The following CEP63 variants were observed in gnomAD, a reference collection of about 807,000 sequenced individuals.
CEP63 encodes centrosomal protein of 63 kDa.
CEP63 carries 84 observed loss-of-function variants against 89.1 expected under a neutral mutation model. That is an observed-to-expected ratio of 0.94 (90% CI 0.79 to 1.13). The LOEUF (loss-of-function observed/expected upper bound fraction) is 1.13, where lower values mean the gene tolerates loss of function less well. Among genes scored for constraint, CEP63 ranks in the 50% most tolerant of loss-of-function variants. The pLI, the probability that CEP63 is intolerant of heterozygous loss-of-function variation, is 0.00. For missense variants in CEP63, 838 were observed against 813.3 expected (o/e 1.03, Z -0.37); for synonymous variants, 267 against 272.5 (o/e 0.98, Z 0.20).
At chr3:134,659,541 C>T in the CEP63 span, among the ~76,000 whole-genome samples, 1 of 152,240 alleles carries the variant, frequency 6.6e-6, no homozygotes, top group East Asian at 1.9e-4. Context: ...GTCCTCCCCT[C>T]AAGCCTAATG....
chr3:134,532,011 GA>G, intron 4 of CEP63, 71 bp downstream of exon 4: 1 of 1,027,566 alleles, frequency 9.7e-7, no homozygotes, highest in Non-Finnish European at 1.5e-6. Context: ...CTTTGTTAAT[GA>G]AAGCCAGTTT....
the CEP63 span, among the ~76,000 whole-genome samples, chr3:134,636,461 A>G: frequency 2.0e-5 from 3 of 152,242 alleles, no homozygotes; most frequent in East Asian, 5.8e-4. Flanking sequence ...TGAGGCTTCC[A>G]TTCTCATTCT....
intron 3 of CEP63, among the ~76,000 whole-genome samples, chr3:134,516,932 A>T (rs1946379306): frequency 6.6e-6 from 1 of 152,256 alleles, no homozygotes; most frequent in African/African-American, 2.4e-5. Context: ...TGCTTAGATG[A>T]AATCTGGAAG....
chr3:134,687,452 C>T, the CEP63 span, among the ~76,000 whole-genome samples: 1 of 152,174 alleles, frequency 6.6e-6, no homozygotes, highest in Admixed American at 6.5e-5. Context: ...TGGGAGATAG[C>T]ACCATTCTTA....
At chr3:134,587,319 A>G (rs1428390497) in intron 10 of CEP63, among the ~76,000 whole-genome samples, 2 of 152,074 alleles carry the variant, frequency 1.3e-5, no homozygotes, top group Non-Finnish European at 2.9e-5. Flanking sequence ...GTTTCTCCCC[A>G]TCTTTGTGGT....
At chr3:134,675,966 T>C in the CEP63 span, among the ~76,000 whole-genome samples, 2 of 152,206 alleles carry the variant, frequency 1.3e-5, no homozygotes, top group African/African-American at 2.4e-5. Context: ...ATTGGAGTGC[T>C]TCTGGCTGTT....
At chr3:134,695,678 G>A in the CEP63 span, among the ~76,000 whole-genome samples, 1 of 152,336 alleles carries the variant, frequency 6.6e-6, no homozygotes, top group African/African-American at 2.4e-5. Flanking sequence ...GTAATGGCTG[G>A]TGCACATGCC....
At chr3:134,519,333 C>A (rs1946929327) in intron 3 of CEP63, among the ~76,000 whole-genome samples, 1 of 151,462 alleles carries the variant, frequency 6.6e-6, no homozygotes, top group Non-Finnish European at 1.5e-5. Flanking sequence ...GGGGTTTCAC[C>A]ATGTTGGTCA....
chr3:134,730,592 A>G, the CEP63 span, among the ~76,000 whole-genome samples: 2 of 152,232 alleles, frequency 1.3e-5, no homozygotes, highest in East Asian at 3.8e-4. Flanking sequence ...TGATAGAAGA[A>G]AATACTAAAG....
intron 3 of CEP63, among the ~76,000 whole-genome samples, chr3:134,514,966 T>G (rs1411331947): frequency 6.6e-6 from 1 of 152,186 alleles, no homozygotes. Flanking sequence ...CAATCCTACC[T>G]CAGCCTCCCA....
At chr3:134,547,628 T>TTTTTTTTTTTTTTTTTTTTTTTTTTC (rs1182808443) in intron 9 of CEP63, among the ~76,000 whole-genome samples, 156 bp downstream of exon 9, 2 of 122,610 alleles carry the variant, frequency 1.6e-5, no homozygotes, top group East Asian at 2.3e-4. Context: ...TTTTTTTTTT[T>TTTTTTTTTTTTTTTTTTTTTTTTTTC]TGAGACGGAG....
the CEP63 span, among the ~76,000 whole-genome samples, chr3:134,686,823 G>A: frequency 3.9e-5 from 6 of 152,256 alleles, no homozygotes; most frequent in Non-Finnish European, 8.8e-5. Flanking sequence ...TTTTAGGGAC[G>A]GAGAAACTGA....
At chr3:134,591,756 C>G (rs1161324873), downstream of CEP63, among the ~76,000 whole-genome samples, 1 of 152,052 alleles carries the variant, frequency 6.6e-6, no homozygotes, top group Non-Finnish European at 1.5e-5. Flanking sequence ...TGGTACATGC[C>G]TGTAGTTCCA....
chr3:134,758,239 C>T, the CEP63 span, among the ~76,000 whole-genome samples: 3 of 152,146 alleles, frequency 2.0e-5, no homozygotes, highest in South Asian at 2.1e-4. Context: ...CTCTTTTTCT[C>T]GGCTCATACA....
At chr3:134,656,200 C>T in the CEP63 span, among the ~76,000 whole-genome samples, 5 of 152,246 alleles carry the variant, frequency 3.3e-5, no homozygotes, top group East Asian at 9.7e-4. Flanking sequence ...AGGAAGGCTA[C>T]ATCCCCAAAC....
At chr3:134,660,878 G>T in the CEP63 span, among the ~76,000 whole-genome samples, 1 of 152,266 alleles carries the variant, frequency 6.6e-6, no homozygotes, top group African/African-American at 2.4e-5. Flanking sequence ...ACTGGAGAGT[G>T]GGCTAGGAAG....
At chr3:134,635,262 C>T in the CEP63 span, among the ~76,000 whole-genome samples, 15 of 151,962 alleles carry the variant, frequency 9.9e-5, no homozygotes, top group Admixed American at 6.6e-5. Context: ...TTTGGGAGGC[C>T]GAGGTGGGTG....
the CEP63 span, among the ~76,000 whole-genome samples, chr3:134,681,474 G>T: frequency 6.6e-6 from 1 of 152,180 alleles, no homozygotes; most frequent in African/African-American, 2.4e-5. Flanking sequence ...GCAATGTGTG[G>T]TCATGTTGAC....
rs936229128 is a variant in CEP63, at chr3:134,518,758, C to A, written c.222+11472C>A. ...AGCCATTTCAAGAAAAACAAAAAAA[C>A]CCCAGCAAATTAAAACCAAAGAAAT... On this transcript the variant is annotated intron_variant, in intron 3 of 14. Transcript: ENST00000675561. 2.6e-5 allele frequency among the ~76,000 whole-genome samples: 4 copies of A among 151,496 alleles called. No homozygotes were observed. The East Asian group carries it at 5.8e-4, about 22-fold the overall frequency.
Sources: allele counts gnomAD v4.1 joint callset (sites outside exome capture counted in the v4.1 genomes callset), GRCh38; gene constraint gnomAD v4.1.1; transcripts MANE v1.5; gene names NCBI Gene and HGNC (gene_info 2026-07-23, HGNC 2026-07-21).